Variants in ANKRD28 observed in about 807,000 individuals in gnomAD.
The protein encoded by ANKRD28 is ankyrin repeat domain 28.
Under a neutral mutation model 126.5 loss-of-function variants are expected in ANKRD28, and 44 were observed. The observed-to-expected ratio is 0.35, with a 90% CI of 0.27 to 0.45. The LOEUF is 0.45. Ranked by LOEUF, ANKRD28 falls within the 20% of genes least tolerant of loss-of-function variation. ANKRD28 has a pLI of 1.00. For missense variants in ANKRD28, 1,110 were observed against 1,316.6 expected (o/e 0.84, Z 2.43); for synonymous variants, 442 against 468.5 (o/e 0.94, Z 0.73).
intron 14 of ANKRD28, among the ~76,000 whole-genome samples, chr3:15,704,656 TG>T (rs1575264918): frequency 2.0e-5 from 3 of 152,286 alleles, no homozygotes; most frequent in East Asian, 3.9e-4. Flanking sequence ...AAGCTATTCC[TG>T]GGAATACAAT....
chr3:15,683,000 G>A (rs2067699943), intron 21 of ANKRD28, among the ~76,000 whole-genome samples: 1 of 152,176 alleles, frequency 6.6e-6, no homozygotes, highest in Non-Finnish European at 1.5e-5. Context: ...CGTGCTTAGA[G>A]TCTAAATTTA....
intron 2 of ANKRD28, among the ~76,000 whole-genome samples, chr3:15,784,275 T>C (rs1575667411): frequency 6.6e-6 from 1 of 152,008 alleles, no homozygotes. Flanking sequence ...CAATAGTTTG[T>C]TCAAAATAAT....
intron 2 of ANKRD28, among the ~76,000 whole-genome samples, chr3:15,778,455 A>C (rs111731458): frequency 0.018 from 2,675 of 152,250 alleles, 52 homozygotes; most frequent in African/African-American, 0.047. Context: ...CTCATTCAGG[A>C]AATGGTCAGT....
intron 1 of ANKRD28, among the ~76,000 whole-genome samples, chr3:15,828,970 C>A (rs1395073790): frequency 2.0e-5 from 3 of 152,148 alleles, no homozygotes; most frequent in Non-Finnish European, 4.4e-5. Flanking sequence ...AATCTCCTAG[C>A]CTGTAGTAAC....
At chr3:15,858,678 C>A (rs562946736) in intron 1 of ANKRD28, among the ~76,000 whole-genome samples, 1 of 152,120 alleles carries the variant, frequency 6.6e-6, no homozygotes, top group Non-Finnish European at 1.5e-5. Flanking sequence ...TGTTTGGCAG[C>A]GTCCGGATCC....
At chr3:15,834,275 T>TA (rs2125944350) in intron 1 of ANKRD28, among the ~76,000 whole-genome samples, 1 of 152,318 alleles carries the variant, frequency 6.6e-6, no homozygotes, top group South Asian at 2.1e-4. Context: ...TTCTTCTACA[T>TA]ATAGCTATCC....
In ANKRD28 at chr3:15,830,702, T is replaced by A. The variant is rs1043177781; in HGVS notation, c.27+28675A>T. 2.6e-5 allele frequency among the ~76,000 whole-genome samples: 4 copies of A among 151,952 alleles called. No individual in the cohort carries two copies. Among genetic ancestry groups the A allele is most frequent in the African/African-American group, 9.7e-5 (4 of 41,360 alleles). ...AAGAAAGGTTTGGCCCTTGCTCAGC[T>A]CCTAGGAGGTAACTGCTAACCCCTT... On this transcript the variant is annotated intron_variant, in intron 1 of 27. Transcript: ENST00000399451. The surrounding 1 kb of genome is among the most constrained non-coding windows in gnomAD (Gnocchi z 4.5).
chr3:15,857,209 G>C (rs2061792556), intron 1 of ANKRD28, among the ~76,000 whole-genome samples: 1 of 152,188 alleles, frequency 6.6e-6, no homozygotes, highest in African/African-American at 2.4e-5. Context: ...AGAGAGACCA[G>C]ATGAGCCAAT....
intron 1 of ANKRD28, among the ~76,000 whole-genome samples, chr3:15,813,210 A>T (rs2060758183): frequency 6.6e-6 from 1 of 152,058 alleles, no homozygotes; most frequent in Non-Finnish European, 1.5e-5. Context: ...TACTAAAAAT[A>T]CAAAAATTAA....
At chr3:15,847,154 A>G (rs116513657) in intron 1 of ANKRD28, among the ~76,000 whole-genome samples, 1,851 of 152,336 alleles carry the variant, frequency 0.012, 14 homozygotes, top group Non-Finnish European at 0.02. Context: ...TGTATGCTCC[A>G]AAGTTAGGAA....
In ANKRD28 at chr3:15,823,932, A is replaced by G. The variant is rs573521535; in HGVS notation, c.28-28626T>C. Among the ~76,000 whole-genome samples, 5 of 150,312 alleles carry G rather than the reference A, an allele frequency of 3.3e-5. No individual in the cohort carries two copies. In the East Asian group the frequency reaches 1.1e-3, roughly 33 times the overall value. On this transcript the variant is annotated intron_variant, in intron 1 of 27. Coordinates refer to the ANKRD28 transcript ENST00000399451. ...TTACCATGATAAAGATCGTTTATTT[A>G]AAAACCCACAGCTAATATCACAGTT...
rs999125096 is a variant in ANKRD28 at position 15,838,819 on chromosome 3, T to C, written c.27+20558A>G. 4.6e-5 allele frequency among the ~76,000 whole-genome samples: 7 copies of C among 151,780 alleles called. No homozygotes were observed. The highest frequency in any genetic ancestry group is 4.6e-4 in the Admixed American group (7 of 15,240). On this transcript the variant is annotated intron_variant, in intron 1 of 27. Transcript: ENST00000399451. The surrounding 1 kb of genome is among the most constrained non-coding windows in gnomAD (Gnocchi z 4.0). ...ACACAGACTCATACATGAATATTCATAGCAGTATTATTCATAGTTGCCAAA... is the reference window on the plus strand; with the variant it reads ...ACACAGACTCATACATGAATATTCACAGCAGTATTATTCATAGTTGCCAAA...
intron 12 of ANKRD28, among the ~76,000 whole-genome samples, chr3:15,710,911 T>C (rs1185952922): frequency 2.0e-5 from 3 of 152,184 alleles, no homozygotes; most frequent in Admixed American, 1.3e-4. Flanking sequence ...GATGTTCTCA[T>C]TTGAGAACAT....
chr3:15,769,565 AAC>A (rs1286135294), intron 2 of ANKRD28, among the ~76,000 whole-genome samples: 3 of 152,304 alleles, frequency 2.0e-5, no homozygotes, highest in Non-Finnish European at 2.9e-5. Context: ...AAAATTATAA[AAC>A]ACAAAAAATT....
In ANKRD28 at chr3:15,677,036, C is replaced by T. The variant is rs775161986; in HGVS notation, c.2811G>A (p.Leu937=). ...ACSKGHETSA[L]LILEKITDRN... ...TATCTGTTATCTTTTCCAGTATTAA[C>T]AAGGCACTAGTTTCATGACCCTATA... Residue 937 remains leucine, a synonymous_variant, in exon 26 of 28, where the codon TTG becomes TTA. Transcript: ENST00000683139. The T allele has an allele frequency of 6.2e-7, 1 of 1,613,078 alleles. No individual in the cohort carries two copies. The highest frequency in any genetic ancestry group is 8.5e-7 in the Non-Finnish European group (1 of 1,179,502).
At chr3:15,731,848 C>CAAA (rs397934004) in intron 6 of ANKRD28, 75 of 4,492 alleles carry the variant, frequency 0.017, 12 homozygotes, top group Non-Finnish European at 0.026. Flanking sequence ...GAAACTGTCT[C>CAAA]AAAAAAAAAA....
At chr3:15,727,564 C>CAAAAAAAAAAAAA (rs59584114) in intron 6 of ANKRD28, among the ~76,000 whole-genome samples, 6 of 65,950 alleles carry the variant, frequency 9.1e-5, no homozygotes, top group East Asian at 5.5e-4. Flanking sequence ...GAAACTCTGT[C>CAAAAAAAAAAAAA]AAAAAAAAAA....
At chr3:15,710,912 T>C (rs570081819) in intron 12 of ANKRD28, among the ~76,000 whole-genome samples, 3 of 152,322 alleles carry the variant, frequency 2.0e-5, no homozygotes, top group Admixed American at 1.3e-4. Context: ...ATGTTCTCAT[T>C]TGAGAACATA....
At chr3:15,718,604 AT>A (rs2073346251) in intron 8 of ANKRD28, among the ~76,000 whole-genome samples, 2 of 152,364 alleles carry the variant, frequency 1.3e-5, no homozygotes, top group African/African-American at 4.8e-5. Context: ...ATCAAATTAT[AT>A]TAAATATTCA....
Sources: allele counts gnomAD v4.1 joint callset (sites outside exome capture counted in the v4.1 genomes callset), GRCh38; gene constraint gnomAD v4.1.1; non-coding constraint Gnocchi (gnomAD v3.1); transcripts MANE v1.5; gene names NCBI Gene and HGNC (gene_info 2026-07-23, HGNC 2026-07-21).